TARS3: variants seen among roughly 807,000 people sequenced by gnomAD.
TARS3 encodes the protein threonyl-tRNA synthetase 3, also known as threonine--tRNA ligase 2, cytoplasmic.
Under a neutral mutation model 103.5 loss-of-function variants are expected in TARS3, and 94 were observed. The ratio of observed to expected loss-of-function variants is 0.91; its 90% confidence interval spans 0.77 to 1.08. The LOEUF (loss-of-function observed/expected upper bound fraction) is 1.08, where lower values mean the gene tolerates loss of function less well. Ranked by LOEUF, TARS3 falls within the 50% of genes least tolerant of loss-of-function variation. The pLI, the probability that TARS3 is intolerant of heterozygous loss-of-function variation, is 0.00. For missense variants in TARS3, 952 were observed against 995.2 expected, an observed-to-expected ratio of 0.96 and a Z score of 0.58; for synonymous variants, 416 against 355.4, an observed-to-expected ratio of 1.17 and a Z score of -1.92.
intron 12 of TARS3, among the ~76,000 whole-genome samples, chr15:101,679,973 A>T (rs1898193130): frequency 6.6e-6 from 1 of 152,194 alleles, no homozygotes; most frequent in Non-Finnish European, 1.5e-5. Context: ...AGAAAGTCTT[A>T]TCTTTCCACT....
chr15:101,706,796 C>T (rs1899588834), intron 6 of TARS3, among the ~76,000 whole-genome samples: 2 of 152,156 alleles, frequency 1.3e-5, no homozygotes, highest in African/African-American at 4.8e-5. Context: ...CCCGTATCTG[C>T]ATGATTTAAC....
intron 10 of TARS3, among the ~76,000 whole-genome samples, chr15:101,691,327 T>C (rs1898713952): frequency 6.6e-6 from 1 of 151,802 alleles, no homozygotes; most frequent in Non-Finnish European, 1.5e-5. Flanking sequence ...TTGCCCAGGC[T>C]GGAGTGCAGT....
intron 15 of TARS3, among the ~76,000 whole-genome samples, chr15:101,667,550 C>T (rs370998418): frequency 2.1e-4 from 32 of 151,320 alleles, no homozygotes; most frequent in Admixed American, 3.3e-4. Context: ...TGTTGCTTTA[C>T]CTTGCACTTT....
chr15:101,683,176 C>T (rs917373730), intron 12 of TARS3, among the ~76,000 whole-genome samples: 1 of 151,868 alleles, frequency 6.6e-6, no homozygotes, highest in Non-Finnish European at 1.5e-5. Flanking sequence ...ATTTGTTCTT[C>T]TTTTTCTATC....
At chr15:101,666,165 G>T (rs1395405134) in intron 15 of TARS3, among the ~76,000 whole-genome samples, 1 of 152,142 alleles carries the variant, frequency 6.6e-6, no homozygotes, top group Non-Finnish European at 1.5e-5. Context: ...CACAAAAATG[G>T]ATGTCTCTGT....
rs1276140697 is a variant in TARS3 at position 101,661,751 on chromosome 15, C to A, written c.2033G>T (p.Arg678Ile). 1 of 1,607,912 alleles carries A rather than the reference C, an allele frequency of 6.2e-7. No individual in the cohort carries two copies. Among genetic ancestry groups the A allele is most frequent in the Non-Finnish European group, 8.5e-7 (1 of 1,176,610 alleles). Residue 678 changes from arginine (R) to isoleucine (I), a missense_variant, in exon 16 of 19, where the codon AGA (arginine) becomes ATA (isoleucine). Physicochemically the swap from Arg to Ile is moderately conservative, Grantham distance 97 (BLOSUM62 -3). This residue lies in a region of TARS3 where 540 missense variants were observed against 631.0 expected (regional missense o/e 0.86). Coordinates refer to ENST00000335968, the MANE Select transcript of TARS3 (RefSeq NM_152334.3). ...GTTTTCTGAAAGAATGGCTATCATT[C>A]TTTCCACTGATCCCAAAATGGCTCG... ...IHRAILGSVE[R>I]MIAILSENYG...
chr15:101,657,515 A>T (rs1897235313), intron 17 of TARS3, among the ~76,000 whole-genome samples: 1 of 152,230 alleles, frequency 6.6e-6, no homozygotes, highest in South Asian at 2.1e-4. Context: ...TGACACAGCA[A>T]CAGATAATAT....
chr15:101,673,773 G>A (rs905132249), intron 13 of TARS3, among the ~76,000 whole-genome samples: 3 of 152,158 alleles, frequency 2.0e-5, no homozygotes, highest in African/African-American at 7.2e-5. Flanking sequence ...GATGGGCACG[G>A]GTCAGTGGGG....
At chr15:101,713,744 A>G (rs72761664) in intron 4 of TARS3, among the ~76,000 whole-genome samples, 8,998 of 152,252 alleles carry the variant, frequency 0.059, 532 homozygotes, top group African/African-American at 0.15. Context: ...TGGTGAATGT[A>G]CTGAAGATTC....
intron 18 of TARS3, among the ~76,000 whole-genome samples, chr15:101,656,189 C>T (rs1291384637): frequency 6.6e-6 from 1 of 152,220 alleles, no homozygotes; most frequent in Non-Finnish European, 1.5e-5. Flanking sequence ...TACTCCAAGA[C>T]CCTTCCAACA....
At chr15:101,713,563 G>T (rs536789796) in intron 4 of TARS3, among the ~76,000 whole-genome samples, 2 of 63,302 alleles carry the variant, frequency 3.2e-5, no homozygotes, top group South Asian at 1.1e-3. Context: ...ATATTTTTAG[G>T]AAGTAAAATC....
chr15:101,657,807 G>A lies in TARS3; in HGVS notation c.2123C>T (p.Thr708Ile), dbSNP rs1202737422. ...RQVMVIPVGPTCEKYALQVSS... is the reference protein window; with the variant it reads ...RQVMVIPVGPICEKYALQVSS... The stretch of plus-strand genomic sequence containing the variant: ...TACCTGAAGTGCATATTTTTCACAA[G>A]TTGGCCCCACAGGGATGACCATCAC... The change falls in exon 17 of 19, where the codon ACT becomes ATT. Residue 708 changes from threonine to isoleucine, a missense_variant. Physicochemically the swap from Thr to Ile is moderately conservative, Grantham distance 89. Around this residue, in one of 2 missense-constraint regions of TARS3, gnomAD observed 540 missense variants for 631.0 expected, o/e 0.86. Coordinates refer to ENST00000335968, the MANE Select transcript of TARS3 (RefSeq NM_152334.3). The A allele has an allele frequency of 3.7e-6, 6 of 1,609,516 alleles. No individual in the cohort carries two copies. Among genetic ancestry groups the A allele is most frequent in the East Asian group, 2.2e-5 (1 of 44,800 alleles).
chr15:101,712,962 T>C (rs1483875903), intron 4 of TARS3, among the ~76,000 whole-genome samples: 3 of 152,186 alleles, frequency 2.0e-5, no homozygotes, highest in African/African-American at 4.8e-5. Flanking sequence ...CACTGCTCCT[T>C]TGGATGCTGC....
rs138800532 is a variant in TARS3 at position 101,705,828 on chromosome 15, T to A, written c.931-81A>T. ...CAACTCTACTTTTCTTCAAGAAACA[T>A]TGAAAGGTCATCTACTGATGTTCTA... On this transcript the variant is annotated intron_variant, in intron 6 of 18. Transcript: ENST00000335968. 630 of 1,189,916 alleles carry A rather than the reference T, an allele frequency of 5.3e-4. 1 individual carries two copies. The highest frequency in any genetic ancestry group is 7.9e-4 in the Middle Eastern group (4 of 5,068). 73.7% of individuals were successfully genotyped at this position (1,189,916 alleles called of 1,614,324 possible). A position where few individuals can be genotyped will look rare whatever the true frequency, so the allele number is the denominator to read the frequency against.
At chr15:101,712,081 A>G in intron 4 of TARS3, 80 bp from the exon 5 acceptor site, 1 of 1,476,680 alleles carries the variant, frequency 6.8e-7, no homozygotes, top group Non-Finnish European at 9.0e-7. Context: ...GTAAACCAGT[A>G]GAAAATTTTA....
Position 101,712,375 on chromosome 15 carries a change from T to C in TARS3, c.691-374A>G, listed in dbSNP as rs79759714. Among the ~76,000 whole-genome samples the C allele has an allele frequency of 1.2e-3, 190 of 152,092 alleles. 3 individuals carry two copies. The highest frequency in any genetic ancestry group is 4.1e-3 in the African/African-American group (171 of 41,490). ...CCAGAGTAGGAGGAAGGCCGAGGAG[T>C]GCCAGATGCTAGCTGTCTTCTTTTT... On this transcript the variant is annotated intron_variant, in intron 4 of 18. Transcript: ENST00000335968.
chr15:101,671,451 T>C (rs606511), intron 15 of TARS3, 35 bp downstream of exon 15: 612,480 of 1,472,096 alleles, frequency 0.42, 135,006 homozygotes, highest in Non-Finnish European at 0.46. Context: ...ATTAGAATAT[T>C]AGTACTATAA....
intron 16 of TARS3, 87 bp downstream of exon 16, chr15:101,661,625 A>G: frequency 1.2e-6 from 1 of 845,682 alleles, no homozygotes; most frequent in South Asian, 2.2e-5. Flanking sequence ...TTAAGAATAG[A>G]AATATTTTTA....
Position 101,723,209 on chromosome 15 carries a change from G to C in TARS3, c.298-45C>G, listed in dbSNP as rs1900579785. 9 of 1,556,482 alleles carry C rather than the reference G, an allele frequency of 5.8e-6. No homozygotes were observed. The East Asian group carries it at 1.8e-4, about 31-fold the overall frequency. ...TGACTCACATCAATGGCAAGAAAAA[G>C]CAACACATTTTAAGAAGAGAGTCAT... On this transcript the variant is annotated intron_variant, in intron 1 of 18. Transcript: ENST00000335968.
Sources: allele counts gnomAD v4.1 joint callset (sites outside exome capture counted in the v4.1 genomes callset), GRCh38; gene constraint gnomAD v4.1.1; regional missense constraint gnomAD v4.1.1; transcripts MANE v1.5; gene names NCBI Gene and HGNC (gene_info 2026-07-23, HGNC 2026-07-21).